ANO3: variants seen among roughly 807,000 people sequenced by gnomAD.
ANO3 encodes the protein anoctamin-3.
ANO3 carries 99 observed loss-of-function variants against 144.8 expected under a neutral mutation model. The ratio of observed to expected loss-of-function variants is 0.68; its 90% CI spans 0.58 to 0.81. The LOEUF (loss-of-function observed/expected upper bound fraction) is 0.81, where lower values mean the gene tolerates loss of function less well. ANO3 is among the 30% of genes least tolerant of loss of function. The pLI, the probability that ANO3 is intolerant of heterozygous loss-of-function variation, is 0.00. For synonymous variants in ANO3, 414 were observed against 392.6 expected (o/e 1.05, Z -0.64); for missense variants, 905 against 1,202.2 (o/e 0.75, Z 3.66).
chr11:26,226,172 T>C (rs1044063089), intron 1 of ANO3, among the ~76,000 whole-genome samples: 18 of 152,132 alleles, frequency 1.2e-4, no homozygotes, highest in African/African-American at 3.9e-4. Context: ...ACCAGATTTC[T>C]TTAAGTCATA....
At chr11:26,306,679 CAT>C (rs1352556344), upstream of ANO3, among the ~76,000 whole-genome samples, 2 of 152,056 alleles carry the variant, frequency 1.3e-5, no homozygotes, top group African/African-American at 4.8e-5. Flanking sequence ...AAAAAGAAAA[CAT>C]ATTTTTTAAA....
chr11:26,549,903 A>G (rs143396366), intron 12 of ANO3, among the ~76,000 whole-genome samples: 1 of 151,998 alleles, frequency 6.6e-6, no homozygotes, highest in African/African-American at 2.4e-5. Flanking sequence ...CAGATTTTTA[A>G]AAGTCGTTTC....
In ANO3 at chr11:26,295,054, G is replaced by A. The variant is rs1412464273; in HGVS notation, c.155-14591G>A. On this transcript the variant is annotated intron_variant, in intron 1 of 27. Transcript: ENST00000672621. Reference sequence around the variant, plus strand: ...ACTGGGACTATAGGCGTGCACCCACGTGCCAGGGTAATTTGTTGTTGTTGT... The same window carrying A: ...ACTGGGACTATAGGCGTGCACCCACATGCCAGGGTAATTTGTTGTTGTTGT... 4.6e-5 allele frequency among the ~76,000 whole-genome samples: 7 copies of A among 151,714 alleles called. No individual in the cohort carries two copies. The East Asian group carries it at 1.2e-3, about 26-fold the overall frequency.
chr11:26,225,465 T>A (rs1852238249), intron 1 of ANO3, among the ~76,000 whole-genome samples: 1 of 152,178 alleles, frequency 6.6e-6, no homozygotes, highest in South Asian at 2.1e-4. Context: ...CCCTCTTTCA[T>A]GCATTTTTCC....
chr11:26,402,954 C>T (rs200907208), intron 1 of ANO3, among the ~76,000 whole-genome samples: 2 of 151,978 alleles, frequency 1.3e-5, no homozygotes, highest in East Asian at 3.9e-4. Context: ...CCAGCTCACC[C>T]ATCATAATTG....
intron 3 of ANO3, among the ~76,000 whole-genome samples, chr11:26,458,666 A>G (rs1266287801): frequency 6.6e-6 from 1 of 152,180 alleles, no homozygotes; most frequent in African/African-American, 2.4e-5. Flanking sequence ...ATTCCCATAT[A>G]TAAGCATACC....
Position 26,441,873 on chromosome 11 carries a change from CTGAT to C in ANO3, c.47-39_47-36del, listed in dbSNP as rs1193204164. ...AATTAAAACTTTTTATTGACCTCTACTGATTGATTTTTTATTGCTAAAACTCAAC... is the reference window on the plus strand; with the variant it reads ...AATTAAAACTTTTTATTGACCTCTACTGATTTTTTATTGCTAAAACTCAAC... On this transcript the variant is annotated intron_variant, in intron 1 of 26. Coordinates refer to ENST00000256737, the MANE Select transcript of ANO3 (RefSeq NM_031418.4). 6.7e-6 allele frequency: 10 copies of C among 1,483,104 alleles called. No individual in the cohort carries two copies. In the African/African-American group the frequency reaches 1.4e-4, roughly 21 times the overall value. 91.9% of individuals were successfully genotyped at this position (1,483,104 alleles called of 1,614,324 possible).
intron 1 of ANO3, among the ~76,000 whole-genome samples, chr11:26,406,184 G>A (rs753836467): frequency 6.6e-6 from 1 of 151,820 alleles, no homozygotes; most frequent in African/African-American, 2.4e-5. Context: ...GCAAGTTTCT[G>A]TCATATTGTA....
At chr11:26,372,806 G>A (rs569500465) in intron 1 of ANO3, among the ~76,000 whole-genome samples, 117 of 152,212 alleles carry the variant, frequency 7.7e-4, no homozygotes, top group African/African-American at 2.8e-3. Flanking sequence ...GTCATATAAA[G>A]TGGCAGAGTG....
chr11:26,499,234 G>A (rs2134120811), intron 4 of ANO3, among the ~76,000 whole-genome samples: 1 of 151,724 alleles, frequency 6.6e-6, no homozygotes, highest in East Asian at 1.9e-4. Flanking sequence ...TATTCTAGTT[G>A]TAACTTACCT....
intron 7 of ANO3, among the ~76,000 whole-genome samples, chr11:26,528,361 T>C (rs1281788839): frequency 6.6e-6 from 1 of 152,198 alleles, no homozygotes. Flanking sequence ...ATTTCACTAT[T>C]AGACTCCATT....
intron 4 of ANO3, among the ~76,000 whole-genome samples, chr11:26,497,614 G>A (rs562758511): frequency 6.6e-6 from 1 of 152,132 alleles, no homozygotes; most frequent in East Asian, 1.9e-4. Flanking sequence ...GGGTCTGTGA[G>A]GTTACTCATA....
chr11:26,280,254 A>G (rs1157214088), intron 1 of ANO3, among the ~76,000 whole-genome samples: 3 of 152,170 alleles, frequency 2.0e-5, no homozygotes, highest in Non-Finnish European at 4.4e-5. Context: ...TCTTTTTATT[A>G]TCACATCTAC....
At chr11:26,337,910 G>A (rs2133895395) in intron 1 of ANO3, among the ~76,000 whole-genome samples, 1 of 152,124 alleles carries the variant, frequency 6.6e-6, no homozygotes, top group African/African-American at 2.4e-5. Flanking sequence ...ACTTCAGCCT[G>A]AGTGATAGAG....
chr11:26,346,270 G>A (rs563111641), intron 1 of ANO3, among the ~76,000 whole-genome samples: 2 of 152,244 alleles, frequency 1.3e-5, no homozygotes, highest in East Asian at 3.9e-4. Flanking sequence ...CTGAAAAAAA[G>A]TGGTTTAAGA....
intron 1 of ANO3, among the ~76,000 whole-genome samples, chr11:26,321,699 C>T (rs532847496): frequency 9.9e-5 from 15 of 152,074 alleles, no homozygotes; most frequent in Middle Eastern, 3.4e-3. Flanking sequence ...ATTCTAGCTT[C>T]CAGCATGGCA....
chr11:26,648,675 A>G (rs1853427015), intron 24 of ANO3, among the ~76,000 whole-genome samples: 1 of 152,034 alleles, frequency 6.6e-6, no homozygotes, highest in Non-Finnish European at 1.5e-5. Context: ...TAAATAAGGT[A>G]TTGGGGGAAA....
chr11:26,649,855 A>C (rs1201454317), intron 24 of ANO3, among the ~76,000 whole-genome samples: 2 of 152,034 alleles, frequency 1.3e-5, no homozygotes, highest in African/African-American at 4.8e-5. Flanking sequence ...AGTTTTAAAA[A>C]CCCTGTTTTT....
intron 1 of ANO3, among the ~76,000 whole-genome samples, chr11:26,208,795 T>C (rs921513040): frequency 6.6e-6 from 1 of 152,182 alleles, no homozygotes; most frequent in Non-Finnish European, 1.5e-5. Context: ...AATGATGATT[T>C]TGATAAATAT....
Sources: gnomAD v4.1 joint callset for allele counts (sites outside exome capture counted in the v4.1 genomes callset) on GRCh38, gnomAD v4.1.1 for gene constraint, MANE v1.5 for transcripts, NCBI Gene and HGNC (gene_info 2026-07-23, HGNC 2026-07-21) for gene names.